DNER: variants seen among roughly 807,000 people sequenced by gnomAD.
DNER encodes the protein delta and Notch-like epidermal growth factor-related receptor.
DNER carries 33 observed loss-of-function variants against 78.2 expected under a neutral mutation model. That is an observed-to-expected ratio of 0.42 (90% CI 0.32 to 0.56). DNER has a LOEUF of 0.56. DNER is among the 20% of genes least tolerant of loss of function. The pLI, the probability that DNER is intolerant of heterozygous loss-of-function variation, is 0.11. For synonymous variants in DNER, 417 were observed against 384.8 expected, an observed-to-expected ratio of 1.08 and a Z score of -0.98; for missense variants, 918 against 975.3, an observed-to-expected ratio of 0.94 and a Z score of 0.78.
chr2:229,526,994 G>A lies in DNER; in HGVS notation c.994-14058C>T, dbSNP rs754195127. 1.7e-4 allele frequency among the ~76,000 whole-genome samples: 26 copies of A among 151,962 alleles called. 1 individual carries two copies. The highest frequency in any genetic ancestry group is 6.8e-3 in the Middle Eastern group (2 of 294). On this transcript the variant is annotated intron_variant, in intron 5 of 12. Transcript: ENST00000341772. ...GCCATCTACTACGGTCCTCGGTGTGGAAGGCAAGCTCAAATTCTTTTTTCT... is the reference window on the plus strand; with the variant it reads ...GCCATCTACTACGGTCCTCGGTGTGAAAGGCAAGCTCAAATTCTTTTTTCT...
intron 1 of DNER, among the ~76,000 whole-genome samples, chr2:229,656,993 T>TGTGTGTGC (rs1698923914): frequency 6.6e-6 from 1 of 151,816 alleles, no homozygotes; most frequent in Admixed American, 6.6e-5. Context: ...CACGTGTGTG[T>TGTGTGTGC]GTGTGTGTGT....
intron 12 of DNER, among the ~76,000 whole-genome samples, chr2:229,364,178 A>C (rs1323895987): frequency 6.6e-6 from 1 of 150,982 alleles, no homozygotes; most frequent in African/African-American, 2.4e-5. Flanking sequence ...GCTCCTTTTT[A>C]AGTTCTTCAT....
chr2:229,607,614 C>A (rs921632613), intron 1 of DNER, among the ~76,000 whole-genome samples: 2 of 152,070 alleles, frequency 1.3e-5, no homozygotes, highest in Admixed American at 1.3e-4. Context: ...TATTCCCTCC[C>A]AGAAATAAAA....
chr2:229,362,616 G>A (rs1488289035), intron 12 of DNER, among the ~76,000 whole-genome samples: 1 of 152,166 alleles, frequency 6.6e-6, no homozygotes. Context: ...CTATAATGGG[G>A]GACTAATGAT....
chr2:229,446,656 A>T (rs1469685653), intron 8 of DNER, among the ~76,000 whole-genome samples: 2 of 152,208 alleles, frequency 1.3e-5, no homozygotes, highest in Non-Finnish European at 2.9e-5. Context: ...TTCTGACTAC[A>T]CTAGTGGGTT....
rs1574892557 is a variant in DNER at position 229,540,332 on chromosome 2, G to C, written c.993+6615C>G. 5.3e-5 allele frequency among the ~76,000 whole-genome samples: 8 copies of C among 152,212 alleles called. 3 individuals are homozygous for C. The highest frequency in any genetic ancestry group is 5.2e-4 in the Admixed American group (8 of 15,294). ...ACTGGGGGTGCAGGGGTTGTGAGAG[G>C]GGCTGGGGTCAGACACTGAAGTAGC... On this transcript the variant is annotated intron_variant, in intron 5 of 12. Transcript: ENST00000341772.
intron 6 of DNER, among the ~76,000 whole-genome samples, chr2:229,488,165 G>C (rs896751382): frequency 1.5e-4 from 23 of 152,246 alleles, no homozygotes; most frequent in African/African-American, 5.5e-4. Flanking sequence ...GGGATGGGGA[G>C]TGGGCAATGC....
At chr2:229,418,470 T>C (rs898373911) in intron 8 of DNER, among the ~76,000 whole-genome samples, 8 of 152,174 alleles carry the variant, frequency 5.3e-5, no homozygotes, top group African/African-American at 1.9e-4. Flanking sequence ...AGTGATTCCA[T>C]TTATCCACTG....
intron 1 of DNER, among the ~76,000 whole-genome samples, chr2:229,676,608 C>T (rs1269061589): frequency 1.3e-5 from 2 of 152,124 alleles, no homozygotes; most frequent in Non-Finnish European, 2.9e-5. Context: ...CTGTTTTCTG[C>T]CACTTCAACA....
chr2:229,710,980 C>CGT lies in DNER; in HGVS notation c.276+3167_276+3168insAC, dbSNP rs1491161555. Among the ~76,000 whole-genome samples the CGT allele has an allele frequency of 2.9e-3, 306 of 106,004 alleles. 2 individuals are homozygous for CGT. Among genetic ancestry groups the CGT allele is most frequent in the African/African-American group, 0.012 (279 of 22,786 alleles). The allele number at this position is 106,004 out of a possible 152,430, so 69.5% of individuals were successfully genotyped here. On this transcript the variant is annotated intron_variant, in intron 1 of 12. Coordinates refer to ENST00000341772, the MANE Select transcript of DNER (RefSeq NM_139072.4). The stretch of plus-strand genomic sequence containing the variant: ...TGAGACTGAAAATGGCATGCATACA[C>CGT]GCGCACACACACACACACACACACA...
intron 12 of DNER, among the ~76,000 whole-genome samples, chr2:229,365,216 A>G (rs1392385381): frequency 6.6e-6 from 1 of 152,160 alleles, no homozygotes; most frequent in Non-Finnish European, 1.5e-5. Context: ...GTCCCAAAGG[A>G]GCACAGCTGT....
At chr2:229,486,590 G>A (rs1197987804) in intron 6 of DNER, among the ~76,000 whole-genome samples, 1 of 152,172 alleles carries the variant, frequency 6.6e-6, no homozygotes, top group Non-Finnish European at 1.5e-5. Context: ...AGGAATTAAA[G>A]ATTATGATTA....
At chr2:229,672,307 C>G (rs1699222264) in intron 1 of DNER, among the ~76,000 whole-genome samples, 1 of 151,024 alleles carries the variant, frequency 6.6e-6, no homozygotes, top group Non-Finnish European at 1.5e-5. Context: ...CTCTGTAACT[C>G]TCTGTGTGGT....
chr2:229,614,811 G>A (rs1698122731), intron 1 of DNER, among the ~76,000 whole-genome samples: 1 of 152,132 alleles, frequency 6.6e-6, no homozygotes, highest in South Asian at 2.1e-4. Flanking sequence ...GAAATCAAAA[G>A]TACAGTGCAA....
Position 229,668,418 on chromosome 2 carries a change from T to TTATA in DNER, c.276+45726_276+45729dup, listed in dbSNP as rs59207662. ...GAAAGAATACACATAAAATATTCTT[T>TTATA]TATATATATATATATATATATATAC... On this transcript the variant is annotated intron_variant, in intron 1 of 12. Transcript: ENST00000341772. Among the ~76,000 whole-genome samples the TTATA allele has an allele frequency of 6.2e-3, 827 of 132,538 alleles. 9 individuals are homozygous for TTATA. Among genetic ancestry groups the TTATA allele is most frequent in the African/African-American group, 0.023 (788 of 33,534 alleles). The allele number at this position is 132,538 out of a possible 152,430, so 87.0% of individuals were successfully genotyped here.
chr2:229,519,326 T>G (rs1395579174), intron 5 of DNER, among the ~76,000 whole-genome samples: 2 of 152,204 alleles, frequency 1.3e-5, no homozygotes, highest in Non-Finnish European at 2.9e-5. Flanking sequence ...CTATATTTCT[T>G]GCTTTATGGA....
intron 5 of DNER, among the ~76,000 whole-genome samples, chr2:229,516,061 G>A (rs1033727290): frequency 6.6e-6 from 1 of 152,164 alleles, no homozygotes; most frequent in African/African-American, 2.4e-5. Flanking sequence ...AATTGCTTTT[G>A]ATAAAGTAGA....
chr2:229,448,460 G>A (rs1053105714), intron 7 of DNER, among the ~76,000 whole-genome samples: 26 of 152,138 alleles, frequency 1.7e-4, no homozygotes, highest in Non-Finnish European at 8.8e-5. Context: ...GCACAACTCT[G>A]TAAATTTACT....
chr2:229,505,416 CT>C (rs1380018805), intron 6 of DNER, among the ~76,000 whole-genome samples: 2 of 152,096 alleles, frequency 1.3e-5, no homozygotes, highest in Admixed American at 1.3e-4. Context: ...TCTTCTACCC[CT>C]GATCAGGATT....
Sources: gnomAD v4.1 joint callset for allele counts (sites outside exome capture counted in the v4.1 genomes callset) on GRCh38, gnomAD v4.1.1 for gene constraint, MANE v1.5 for transcripts, NCBI Gene and HGNC (gene_info 2026-07-23, HGNC 2026-07-21) for gene names.